Variants in AGAP1 observed in about 807,000 individuals in gnomAD.
The protein encoded by AGAP1 is arf-GAP with GTPase, ANK repeat and PH domain-containing protein 1.
A neutral mutation model predicts 105.3 loss-of-function variants in AGAP1; 29 were observed. That is an observed-to-expected ratio of 0.28 (90% CI 0.21 to 0.38). The LOEUF is 0.38. AGAP1 is among the 10% of genes least tolerant of loss of function. The pLI, the probability that AGAP1 is intolerant of heterozygous loss-of-function variation, is 1.00. For synonymous variants in AGAP1, 509 were observed against 485.9 expected, an observed-to-expected ratio of 1.05 and a Z score of -0.63; for missense variants, 998 against 1,165.1, an observed-to-expected ratio of 0.86 and a Z score of 2.09.
rs139577106 is a variant in AGAP1, at chr2:235,835,414, G to A, written c.1050+28083G>A. Among the ~76,000 whole-genome samples, 1,106 of 152,316 alleles carry A rather than the reference G, an allele frequency of 7.3e-3. 12 individuals carry two copies. The highest frequency in any genetic ancestry group is 0.031 in the Middle Eastern group (9 of 294). ...TGGCAGAGAGGCTCCTCAGCTTGGAGCGTTTTTCTTCCTTCATCTACGTCT... is the reference window on the plus strand; with the variant it reads ...TGGCAGAGAGGCTCCTCAGCTTGGAACGTTTTTCTTCCTTCATCTACGTCT... On this transcript the variant is annotated intron_variant, in intron 9 of 17. Coordinates refer to ENST00000304032, the MANE Select transcript of AGAP1 (RefSeq NM_001037131.3).
At chr2:235,885,966 G>A (rs78940021) in intron 10 of AGAP1, among the ~76,000 whole-genome samples, 5 of 152,280 alleles carry the variant, frequency 3.3e-5, no homozygotes, top group East Asian at 1.9e-4. Flanking sequence ...CCTTCAGATC[G>A]AAGAGATGTA....
rs1033864235 is a variant in AGAP1 at position 235,551,001 on chromosome 2, T to C, written c.163+56152T>C. On this transcript the variant is annotated intron_variant, in intron 1 of 17. Transcript: ENST00000304032. This position sits in a 1 kb window ranked among gnomAD's most constrained non-coding sequence, Gnocchi z 4.8. ...GTTGGGCAGGCTGGTCTCGAACTCC[T>C]GGCCTCAAGTGATCCACCCACCTCG... 1.3e-5 allele frequency among the ~76,000 whole-genome samples: 2 copies of C among 152,174 alleles called. No individual in the cohort carries two copies. Among genetic ancestry groups the C allele is most frequent in the African/African-American group, 4.8e-5 (2 of 41,448 alleles).
At position 235,837,625 on chromosome 2, in the gene AGAP1, G is replaced by A. The variant is rs116000046; in HGVS notation, c.1050+30294G>A. Among the ~76,000 whole-genome samples, 1,138 of 152,252 alleles carry A rather than the reference G, an allele frequency of 7.5e-3. 13 individuals are homozygous for A. The highest frequency in any genetic ancestry group is 0.026 in the African/African-American group (1,085 of 41,534). On this transcript the variant is annotated intron_variant, in intron 9 of 17. Transcript: ENST00000304032. ...GTTGTTGGTGGATTAATAAGATGAT[G>A]GAGTCTACCAGTAAAGGAGGTGGCA...
intron 9 of AGAP1, among the ~76,000 whole-genome samples, chr2:235,811,736 G>A (rs988154041): frequency 2.6e-5 from 4 of 152,326 alleles, no homozygotes; most frequent in East Asian, 1.9e-4. Context: ...GGCCGCCCCC[G>A]GCCCGGCCCA....
chr2:235,886,992 C>G (rs1413755109), intron 10 of AGAP1, among the ~76,000 whole-genome samples: 1 of 152,080 alleles, frequency 6.6e-6, no homozygotes, highest in Non-Finnish European at 1.5e-5. Flanking sequence ...AATGGGACAC[C>G]CACGAGCCGA....
Position 235,908,584 on chromosome 2 carries a change from C to G in AGAP1, c.1156-154C>G, listed in dbSNP as rs1359173250. 6.6e-6 allele frequency among the ~76,000 whole-genome samples: 1 copy of G among 151,948 alleles called. No individual in the cohort carries two copies. The highest frequency in any genetic ancestry group is 1.5e-5 in the Non-Finnish European group (1 of 68,016). ...ATATAATAATGATGTTACCAGTACT[C>G]TATAGATAAAAATCTCATGATTTTT... On this transcript the variant is annotated intron_variant, in intron 10 of 17. Transcript: ENST00000304032. The surrounding 1 kb of genome is among the most constrained non-coding windows in gnomAD (Gnocchi z 4.4).
At chr2:235,974,955 T>C (rs905704747) in intron 13 of AGAP1, among the ~76,000 whole-genome samples, 1 of 152,178 alleles carries the variant, frequency 6.6e-6, no homozygotes, top group Non-Finnish European at 1.5e-5. Flanking sequence ...GTAACGAGGA[T>C]GTCAGGCAGA....
In AGAP1 at chr2:235,792,686, G is replaced by A. The variant is rs748265546; in HGVS notation, c.674-5073G>A. Among the ~76,000 whole-genome samples, 2 of 152,194 alleles carry A rather than the reference G, an allele frequency of 1.3e-5. No individual in the cohort carries two copies. The highest frequency in any genetic ancestry group is 1.9e-4 in the East Asian group (1 of 5,188). On this transcript the variant is annotated intron_variant, in intron 6 of 17. Coordinates refer to ENST00000304032, the MANE Select transcript of AGAP1 (RefSeq NM_001037131.3). The surrounding 1 kb of genome is among the most constrained non-coding windows in gnomAD (Gnocchi z 5.3). ...GTCTGTTCTGTCCATGGTGAAGAGC[G>A]GGTTGTGCCATCGACTGAGCTAGAA...
At chr2:235,542,956 C>T (rs1346013721) in intron 1 of AGAP1, among the ~76,000 whole-genome samples, 1 of 152,150 alleles carries the variant, frequency 6.6e-6, no homozygotes, top group Admixed American at 6.5e-5. Flanking sequence ...GTTTTCCTGA[C>T]CTGGGGACGG....
At chr2:235,698,230 T>C (rs1330146069) in intron 1 of AGAP1, among the ~76,000 whole-genome samples, 1 of 151,926 alleles carries the variant, frequency 6.6e-6, no homozygotes, top group Non-Finnish European at 1.5e-5. Flanking sequence ...CAGGAGGTGG[T>C]GTGAGCTTAT....
At chr2:235,508,349 A>G (rs912763918) in intron 1 of AGAP1, among the ~76,000 whole-genome samples, 5 of 152,228 alleles carry the variant, frequency 3.3e-5, no homozygotes, top group Non-Finnish European at 7.3e-5. Flanking sequence ...GTAAAGTAGA[A>G]AAGGAAACTT....
chr2:235,514,102 G>A (rs1437077241), intron 1 of AGAP1, among the ~76,000 whole-genome samples: 1 of 152,196 alleles, frequency 6.6e-6, no homozygotes, highest in Non-Finnish European at 1.5e-5. Context: ...ACGTGACTGA[G>A]CACAGGCGAT....
In AGAP1 at chr2:235,549,238, C is replaced by T. The variant is rs1943725304; in HGVS notation, c.163+54389C>T. Among the ~76,000 whole-genome samples, 1 of 152,164 alleles carries T rather than the reference C, an allele frequency of 6.6e-6. No individual in the cohort carries two copies. The highest frequency in any genetic ancestry group is 1.5e-5 in the Non-Finnish European group (1 of 68,036). ...TCTAAGGAATACAAACTAGAAGGGC[C>T]TGGTTTCTGTAGGTGACAAAGCTGG... On this transcript the variant is annotated intron_variant, in intron 1 of 17. Transcript: ENST00000304032. This position sits in a 1 kb window ranked among gnomAD's most constrained non-coding sequence, Gnocchi z 4.2.
chr2:235,687,166 A>G (rs533919129), intron 1 of AGAP1, among the ~76,000 whole-genome samples: 2 of 152,344 alleles, frequency 1.3e-5, no homozygotes, highest in South Asian at 4.1e-4. Context: ...TAGCTCTAAA[A>G]GTAAACATTG....
chr2:235,788,413 A>C lies in AGAP1; in HGVS notation c.674-9346A>C, dbSNP rs1299705206. 6.6e-6 allele frequency among the ~76,000 whole-genome samples: 1 copy of C among 151,718 alleles called. No individual in the cohort carries two copies. Among genetic ancestry groups the C allele is most frequent in the African/African-American group, 2.4e-5 (1 of 41,274 alleles). On this transcript the variant is annotated intron_variant, in intron 6 of 17. Coordinates refer to ENST00000304032, the MANE Select transcript of AGAP1 (RefSeq NM_001037131.3). This position sits in a 1 kb window ranked among gnomAD's most constrained non-coding sequence, Gnocchi z 6.0. ...GATGGTGTGGTGCGGATCTTGGATG[A>C]GGTTAGCTGAGTTTGAAAACTGGAG...
intron 16 of AGAP1, among the ~76,000 whole-genome samples, chr2:236,111,147 A>G (rs915509663): frequency 2.0e-5 from 3 of 152,184 alleles, no homozygotes; most frequent in African/African-American, 7.2e-5. Context: ...TGACACAAAC[A>G]CACAGCAGTG....
At chr2:235,827,060 C>T (rs965866448) in intron 9 of AGAP1, among the ~76,000 whole-genome samples, 5 of 152,120 alleles carry the variant, frequency 3.3e-5, no homozygotes, top group South Asian at 2.1e-4. Context: ...CACCCCTGGG[C>T]GGGTTTGTAG....
chr2:236,042,703 G>A lies in AGAP1; in HGVS notation c.1891+1862G>A, dbSNP rs1415070189. Among the ~76,000 whole-genome samples, 1 of 152,148 alleles carries A rather than the reference G, an allele frequency of 6.6e-6. No individual in the cohort carries two copies. The highest frequency in any genetic ancestry group is 2.4e-5 in the African/African-American group (1 of 41,420). On this transcript the variant is annotated intron_variant, in intron 15 of 17. Transcript: ENST00000304032. The surrounding 1 kb of genome is among the most constrained non-coding windows in gnomAD (Gnocchi z 5.6). ...GTCTGAGATGAGCTTGTGCATGTGA[G>A]TGCGGATGGGGGGTGGGAAAGGGAG...
intron 16 of AGAP1, among the ~76,000 whole-genome samples, chr2:236,112,501 T>C (rs1223274854): frequency 6.6e-6 from 1 of 152,156 alleles, no homozygotes; most frequent in Admixed American, 6.5e-5. Context: ...TAAATGCTTC[T>C]CTCCATCCCC....
Sources: gnomAD v4.1 joint callset for allele counts (sites outside exome capture counted in the v4.1 genomes callset) on GRCh38, gnomAD v4.1.1 for gene constraint, Gnocchi (gnomAD v3.1) non-coding constraint, MANE v1.5 for transcripts, NCBI Gene and HGNC (gene_info 2026-07-23, HGNC 2026-07-21) for gene names.